TYW1B: variants seen among roughly 807,000 people sequenced by gnomAD.
TYW1B encodes tRNA-yW synthesizing protein 1 homolog B.
In TYW1B, 73 loss-of-function variants were observed where a neutral mutation model predicts 86.9. The ratio of observed to expected loss-of-function variants is 0.84; its 90% CI spans 0.70 to 1.02. TYW1B has a LOEUF of 1.02. TYW1B is among the 50% of genes least tolerant of loss of function. The pLI, the probability that TYW1B is intolerant of heterozygous loss-of-function variation, is 0.00. For missense variants in TYW1B, 637 were observed against 827.4 expected (o/e 0.77, Z 2.82); for synonymous variants, 248 against 292.8 (o/e 0.85, Z 1.56).
chr7:72,650,421 G>C lies in TYW1B; in HGVS notation c.1507-21424C>G, dbSNP rs577500686. Among the ~76,000 whole-genome samples the C allele has an allele frequency of 3.6e-4, 55 of 152,200 alleles. No individual in the cohort carries two copies. The South Asian group carries it at 6.6e-3, about 18-fold the overall frequency. ...TCTGACACATAAGAAAGTGAATCTG[G>C]AATGATAGGAAGATGAGCCCAGAAA... On this transcript the variant is annotated intron_variant, in intron 11 of 13. Transcript: ENST00000620995.
At chr7:72,812,116 G>A (rs1332108709) in intron 3 of TYW1B, among the ~76,000 whole-genome samples, 1 of 146,102 alleles carries the variant, frequency 6.8e-6, no homozygotes, top group East Asian at 2.0e-4. Flanking sequence ...TTTGGGATGG[G>A]AAGTGTTTTG....
rs782519128 is a variant in TYW1B, at chr7:72,682,583, G to A, written c.1506+12104C>T. ...TTTACAACTTAAAATTAACCCCTAC[G>A]AGCCTTCTAGTTTCCAATGCAGCAA... On this transcript the variant is annotated intron_variant, in intron 11 of 13. Coordinates refer to ENST00000620995, the MANE Select transcript of TYW1B (RefSeq NM_001145440.3). Among the ~76,000 whole-genome samples, 15 of 152,146 alleles carry A rather than the reference G, an allele frequency of 9.9e-5. 1 individual carries two copies. The highest frequency in any genetic ancestry group is 4.1e-4 in the South Asian group (2 of 4,826).
At chr7:72,703,013 TATA>T (rs1814516450) in intron 10 of TYW1B, among the ~76,000 whole-genome samples, 1 of 39,444 alleles carries the variant, frequency 2.5e-5, no homozygotes, top group African/African-American at 7.4e-5. Flanking sequence ...TATATATATA[TATA>T]TATATATATA....
intron 7 of TYW1B, among the ~76,000 whole-genome samples, chr7:72,745,618 G>A (rs1787379805): frequency 6.6e-6 from 1 of 151,926 alleles, no homozygotes; most frequent in South Asian, 2.1e-4. Context: ...AGCCTGGGAG[G>A]AGGTTATGTC....
intron 11 of TYW1B, among the ~76,000 whole-genome samples, chr7:72,664,251 T>TC (rs1813407150): frequency 6.6e-6 from 1 of 152,172 alleles, no homozygotes; most frequent in Non-Finnish European, 1.5e-5. Context: ...TATTTGGGTT[T>TC]CTTTTTTTTT....
chr7:72,702,321 C>T (rs1554452723), intron 10 of TYW1B, among the ~76,000 whole-genome samples: 2 of 152,130 alleles, frequency 1.3e-5, no homozygotes, highest in African/African-American at 2.4e-5. Context: ...GGAGTTCCCA[C>T]TCTGTTTTGC....
intron 7 of TYW1B, among the ~76,000 whole-genome samples, chr7:72,756,623 A>C (rs1787594585): frequency 3.3e-5 from 5 of 152,134 alleles, no homozygotes; most frequent in Admixed American, 3.3e-4. Flanking sequence ...GGCTGAGAAA[A>C]GGTCTGGCAG....
intron 6 of TYW1B, among the ~76,000 whole-genome samples, chr7:72,792,716 A>G (rs527957136): frequency 6.6e-6 from 1 of 152,356 alleles, no homozygotes; most frequent in South Asian, 2.1e-4. Flanking sequence ...CTGAATGTTA[A>G]TGAACAAGAG....
At chr7:72,578,782 G>A (rs1208284648) in intron 13 of TYW1B, among the ~76,000 whole-genome samples, 1 of 152,224 alleles carries the variant, frequency 6.6e-6, no homozygotes, top group African/African-American at 2.4e-5. Flanking sequence ...CACTTGGGGA[G>A]TACAGGGACA....
chr7:72,804,051 G>A (rs551099368), intron 5 of TYW1B, among the ~76,000 whole-genome samples: 5 of 151,412 alleles, frequency 3.3e-5, no homozygotes, highest in East Asian at 2.0e-4. Flanking sequence ...TTGGGAGGCC[G>A]AGGCAGATGG....
chr7:72,601,845 C>G (rs1460784837), intron 13 of TYW1B, among the ~76,000 whole-genome samples: 3 of 151,062 alleles, frequency 2.0e-5, no homozygotes, highest in African/African-American at 7.3e-5. Context: ...TTGGAAAAGG[C>G]ACAACTATAA....
chr7:72,729,714 C>T (rs3015859), intron 8 of TYW1B, among the ~76,000 whole-genome samples: 105,363 of 151,570 alleles, frequency 0.7, 37,490 homozygotes, highest in Non-Finnish European at 0.77. Context: ...CCAACCATCT[C>T]ACCCTCCCGA....
rs570382807 is a variant in TYW1B at position 72,699,103 on chromosome 7, A to AT, written c.1371-4282dup. Among the ~76,000 whole-genome samples, 410 of 148,052 alleles carry AT rather than the reference A, an allele frequency of 2.8e-3. 5 individuals are homozygous for AT. The highest frequency in any genetic ancestry group is 1.5e-3 in the East Asian group (8 of 5,162). On this transcript the variant is annotated intron_variant, in intron 10 of 13. Transcript: ENST00000620995. ...GGTGGGGAAAATGTAATGGGTATAAATGGAGGAGTGAGTTGATTTTGCTTG... is the reference window on the plus strand; with the variant it reads ...GGTGGGGAAAATGTAATGGGTATAAATTGGAGGAGTGAGTTGATTTTGCTTG...
chr7:72,667,715 AAAAAC>A (rs1320430870), intron 11 of TYW1B, among the ~76,000 whole-genome samples: 1 of 152,198 alleles, frequency 6.6e-6, no homozygotes, highest in Non-Finnish European at 1.5e-5. Flanking sequence ...TCCAGCTCAA[AAAAAC>A]AAAACAAAAC....
chr7:72,733,518 G>A (rs569991024), intron 8 of TYW1B, among the ~76,000 whole-genome samples: 11 of 152,148 alleles, frequency 7.2e-5, no homozygotes, highest in South Asian at 4.1e-4. Flanking sequence ...AAAATTAGCC[G>A]GGCATGGTGG....
intron 11 of TYW1B, among the ~76,000 whole-genome samples, chr7:72,633,459 T>C (rs1473912205): frequency 6.6e-6 from 1 of 152,224 alleles, no homozygotes; most frequent in Non-Finnish European, 1.5e-5. Flanking sequence ...TTGCTAAATC[T>C]TCTGAAACTG....
At chr7:72,580,036 A>G (rs1462719126) in intron 13 of TYW1B, among the ~76,000 whole-genome samples, 6 of 152,140 alleles carry the variant, frequency 3.9e-5, no homozygotes, top group Non-Finnish European at 8.8e-5. Flanking sequence ...GCTTCCTTTG[A>G]AACCCCATCT....
intron 10 of TYW1B, among the ~76,000 whole-genome samples, chr7:72,706,961 T>C (rs1554453763): frequency 6.6e-6 from 1 of 152,236 alleles, no homozygotes; most frequent in Non-Finnish European, 1.5e-5. Context: ...GCATATCATC[T>C]GGGCTATTCA....
intron 13 of TYW1B, among the ~76,000 whole-genome samples, chr7:72,591,038 T>C (rs1811383921): frequency 6.6e-6 from 1 of 151,680 alleles, no homozygotes. Context: ...CTAAAAAGTA[T>C]AATAACTGAA....
Sources: allele counts gnomAD v4.1 joint callset (sites outside exome capture counted in the v4.1 genomes callset), GRCh38; gene constraint gnomAD v4.1.1; transcripts MANE v1.5; gene names NCBI Gene and HGNC (gene_info 2026-07-23, HGNC 2026-07-21).